Variants in PLXDC2 observed in about 807,000 individuals in gnomAD.
The protein encoded by PLXDC2 is plexin domain-containing protein 2.
A neutral mutation model predicts 68.9 loss-of-function variants in PLXDC2; 40 were observed. That is an observed-to-expected ratio of 0.58 (90% CI 0.45 to 0.76). PLXDC2 has a LOEUF of 0.76. PLXDC2 is among the 30% of genes least tolerant of loss of function. PLXDC2 has a pLI of 0.00. For missense variants in PLXDC2, 644 were observed against 661.9 expected (o/e 0.97, Z 0.30); for synonymous variants, 243 against 234.2 (o/e 1.04, Z -0.34).
chr10:20,177,940 G>C (rs564553562), intron 9 of PLXDC2, among the ~76,000 whole-genome samples: 3 of 152,040 alleles, frequency 2.0e-5, no homozygotes, highest in South Asian at 4.1e-4. Flanking sequence ...AGTCAGTAAG[G>C]CCATTATCTG....
intron 1 of PLXDC2, among the ~76,000 whole-genome samples, chr10:19,820,250 T>C (rs1321548043): frequency 6.6e-6 from 1 of 152,204 alleles, no homozygotes; most frequent in Admixed American, 6.5e-5. Flanking sequence ...GAGAATGTAT[T>C]TGAATAAAAC....
chr10:19,918,012 C>A (rs1314857966), intron 1 of PLXDC2, among the ~76,000 whole-genome samples: 2 of 152,170 alleles, frequency 1.3e-5, no homozygotes, highest in Admixed American at 6.5e-5. Flanking sequence ...ATATTTTTAC[C>A]CTTTCTATGC....
intron 4 of PLXDC2, among the ~76,000 whole-genome samples, chr10:20,123,508 T>G (rs1024249137): frequency 2.0e-5 from 3 of 152,116 alleles, no homozygotes; most frequent in African/African-American, 7.2e-5. Flanking sequence ...CGAGTTTGTA[T>G]TGGGGTCAAG....
chr10:20,257,497 T>C (rs1219832415), intron 13 of PLXDC2, among the ~76,000 whole-genome samples: 1 of 152,176 alleles, frequency 6.6e-6, no homozygotes, highest in African/African-American at 2.4e-5. Context: ...AGTTCTCCTA[T>C]TTAGAGAATA....
chr10:20,235,881 C>T (rs546526827), intron 12 of PLXDC2, among the ~76,000 whole-genome samples: 2 of 152,268 alleles, frequency 1.3e-5, no homozygotes, highest in African/African-American at 4.8e-5. Flanking sequence ...TTCTGTACCT[C>T]CAAACCTTGA....
chr10:20,224,206 T>A (rs1178745819), intron 12 of PLXDC2, among the ~76,000 whole-genome samples: 1 of 152,110 alleles, frequency 6.6e-6, no homozygotes, highest in East Asian at 1.9e-4. Flanking sequence ...ACTCTTGACC[T>A]CGGGTGATCC....
chr10:19,859,270 TAACAAAA>T (rs913973203), intron 1 of PLXDC2, among the ~76,000 whole-genome samples: 5 of 144,678 alleles, frequency 3.5e-5, no homozygotes, highest in Non-Finnish European at 7.7e-5. Flanking sequence ...CAGACAAAAA[TAACAAAA>T]AACAAAAAAC....
At chr10:19,906,659 C>G (rs1833165838) in intron 1 of PLXDC2, among the ~76,000 whole-genome samples, 1 of 152,018 alleles carries the variant, frequency 6.6e-6, no homozygotes, top group East Asian at 1.9e-4. Context: ...TTTACTATCT[C>G]TAGGAAGGGA....
intron 4 of PLXDC2, among the ~76,000 whole-genome samples, chr10:20,082,153 G>A (rs1353505162): frequency 6.6e-6 from 1 of 150,716 alleles, no homozygotes; most frequent in Non-Finnish European, 1.5e-5. Flanking sequence ...GTCATATTGT[G>A]GATATAATTC....
At chr10:20,044,352 C>G (rs991803523) in intron 2 of PLXDC2, among the ~76,000 whole-genome samples, 3 of 148,112 alleles carry the variant, frequency 2.0e-5, no homozygotes, top group Non-Finnish European at 4.4e-5. Context: ...TCTCTGTTGC[C>G]CAGGCTGGAG....
chr10:20,097,086 A>G (rs1307155156), intron 4 of PLXDC2, among the ~76,000 whole-genome samples: 1 of 152,114 alleles, frequency 6.6e-6, no homozygotes, highest in Non-Finnish European at 1.5e-5. Context: ...TGATGGGCCC[A>G]CTGAGCGAGA....
intron 3 of PLXDC2, among the ~76,000 whole-genome samples, chr10:20,059,499 C>T (rs1836060693): frequency 2.6e-5 from 4 of 152,242 alleles, no homozygotes; most frequent in East Asian, 3.9e-4. Context: ...TGAATATTCC[C>T]TTGAAGAGCA....
chr10:20,120,245 T>C (rs1833678094), intron 4 of PLXDC2, among the ~76,000 whole-genome samples: 1 of 152,190 alleles, frequency 6.6e-6, no homozygotes, highest in Non-Finnish European at 1.5e-5. Context: ...AGAGTGTCTA[T>C]ACAGGAGCTC....
intron 4 of PLXDC2, among the ~76,000 whole-genome samples, chr10:20,093,663 C>T (rs1389746407): frequency 6.6e-6 from 1 of 151,954 alleles, no homozygotes; most frequent in Non-Finnish European, 1.5e-5. Context: ...AAACAAAAAC[C>T]AGTTTATCTT....
intron 4 of PLXDC2, among the ~76,000 whole-genome samples, chr10:20,110,244 T>G (rs978805657): frequency 5.9e-5 from 9 of 151,786 alleles, no homozygotes; most frequent in Admixed American, 5.9e-4. Flanking sequence ...CAGGAAGGAA[T>G]TGGAGAAAAA....
chr10:20,270,612 T>C (rs766681573), intron 13 of PLXDC2, among the ~76,000 whole-genome samples: 4 of 152,080 alleles, frequency 2.6e-5, no homozygotes, highest in Admixed American at 1.3e-4. Context: ...TGGCATGGTC[T>C]TGGCTCACTG....
intron 7 of PLXDC2, among the ~76,000 whole-genome samples, chr10:20,168,576 G>A (rs938931414): frequency 9.2e-5 from 14 of 152,084 alleles, no homozygotes; most frequent in African/African-American, 3.4e-4. Context: ...CTGCCTGTCT[G>A]TCCATCTGTA....
intron 1 of PLXDC2, among the ~76,000 whole-genome samples, chr10:19,902,932 G>T (rs1357183968): frequency 6.6e-6 from 1 of 152,152 alleles, no homozygotes; most frequent in East Asian, 1.9e-4. Flanking sequence ...CATCTATTGA[G>T]ATGATCACAT....
chr10:19,994,312 ATTTTTTTTTTTT>A (rs869124443), intron 1 of PLXDC2, among the ~76,000 whole-genome samples: 14 of 34,322 alleles, frequency 4.1e-4, no homozygotes, highest in Non-Finnish European at 4.9e-4. Flanking sequence ...ACATGATTAA[ATTTTTTTTTTTT>A]TTTTTTTTTT....
Sources: allele counts gnomAD v4.1 joint callset (sites outside exome capture counted in the v4.1 genomes callset), GRCh38; gene constraint gnomAD v4.1.1; transcripts MANE v1.5; gene names NCBI Gene and HGNC (gene_info 2026-07-23, HGNC 2026-07-21).